PAPPA: variants seen among roughly 807,000 people sequenced by gnomAD.
The protein encoded by PAPPA is pappalysin 1.
In PAPPA, 60 loss-of-function variants were observed where a neutral mutation model predicts 164.0. The observed-to-expected ratio is 0.37, with a 90% confidence interval of 0.30 to 0.45. The LOEUF (loss-of-function observed/expected upper bound fraction) is 0.45, where lower values mean the gene tolerates loss of function less well. PAPPA is among the 20% of genes least tolerant of loss of function. The pLI is 1.00. For synonymous variants in PAPPA, 875 were observed against 814.1 expected (o/e 1.07, Z -1.27); for missense variants, 1,782 against 2,087.3 (o/e 0.85, Z 2.85).
intron 19 of PAPPA, among the ~76,000 whole-genome samples, chr9:116,375,585 C>A (rs942712493): frequency 2.0e-5 from 3 of 152,098 alleles, no homozygotes; most frequent in African/African-American, 7.2e-5. Flanking sequence ...ATTTAGCATC[C>A]CCTCTGTCAG....
chr9:116,293,163 T>C (rs1845458014), intron 9 of PAPPA, among the ~76,000 whole-genome samples: 1 of 152,152 alleles, frequency 6.6e-6, no homozygotes, highest in South Asian at 2.1e-4. Context: ...AACACTAGTT[T>C]AGATAACGCA....
rs550853743 is a variant in PAPPA, at chr9:116,237,336, C to T, written c.2732+1699C>T. Among the ~76,000 whole-genome samples the T allele has an allele frequency of 2.0e-5, 3 of 152,298 alleles. No individual in the cohort carries two copies. In the South Asian group the frequency reaches 6.2e-4, roughly 32 times the overall value. ...AGGATAGTCTTGCCTTAAAAATATT[C>T]CATAACCCTGTCTCTTCCATCTCCT... is the stretch of plus-strand genomic sequence containing the variant. On this transcript the variant is annotated intron_variant, in intron 7 of 21. Transcript: ENST00000328252.
intron 4 of PAPPA, among the ~76,000 whole-genome samples, chr9:116,219,034 C>T (rs1844410472): frequency 1.3e-5 from 2 of 152,230 alleles, no homozygotes; most frequent in South Asian, 4.1e-4. Flanking sequence ...GCCTGACTCC[C>T]TGGCCTGTGC....
At position 116,169,855 on chromosome 9, in the gene PAPPA, A is replaced by G. The variant is rs544574391; in HGVS notation, c.415+15268A>G. Among the ~76,000 whole-genome samples, 19 of 151,970 alleles carry G rather than the reference A, an allele frequency of 1.3e-4. No homozygotes were observed. The Middle Eastern group carries it at 0.01, about 82-fold the overall frequency. On this transcript the variant is annotated intron_variant, in intron 1 of 21. Transcript: ENST00000328252. ...GACTACTATGTGTAGAATGGATTGCATGAGGCCAAGAGTGGGGTCTCAGTT... is the reference window on the plus strand; with the variant it reads ...GACTACTATGTGTAGAATGGATTGCGTGAGGCCAAGAGTGGGGTCTCAGTT...
Position 116,332,366 on chromosome 9 carries a change from G to A in PAPPA, c.3295G>A (p.Val1099Ile), listed in dbSNP as rs1480085055. 6.2e-7 allele frequency: 1 copy of A among 1,613,914 alleles called. No homozygotes were observed. Among genetic ancestry groups the A allele is most frequent in the Non-Finnish European group, 8.5e-7 (1 of 1,179,804 alleles). ...TTCTCAACCAATGGTTGCCGCAGCT[G>A]TCATTGTCCACCTGGTGACGGATGG... ...YFSQPMVAAA[V>I]IVHLVTDGTY... Residue 1099 changes from valine to isoleucine, a missense_variant, in exon 12 of 22, where the codon GTC (valine) becomes ATC (isoleucine). Coordinates refer to ENST00000328252, the MANE Select transcript of PAPPA (RefSeq NM_002581.5).
At chr9:116,163,535 A>G (rs1270940896) in intron 1 of PAPPA, among the ~76,000 whole-genome samples, 1 of 152,206 alleles carries the variant, frequency 6.6e-6, no homozygotes, top group Non-Finnish European at 1.5e-5. Flanking sequence ...ACTTTGTGGT[A>G]CTGTAGGGAT....
At chr9:116,197,867 A>G (rs913549750) in intron 2 of PAPPA, among the ~76,000 whole-genome samples, 2 of 152,242 alleles carry the variant, frequency 1.3e-5, no homozygotes, top group Admixed American at 1.3e-4. Flanking sequence ...TGGTGATTAT[A>G]TAATTCTTGA....
At chr9:116,193,872 G>GGC (rs1844072773) in intron 2 of PAPPA, among the ~76,000 whole-genome samples, 1 of 152,200 alleles carries the variant, frequency 6.6e-6, no homozygotes, top group South Asian at 2.1e-4. Context: ...GCTTCCATGA[G>GGC]CTCTGAGAAA....
At chr9:116,226,345 G>A (rs1196542237) in intron 5 of PAPPA, among the ~76,000 whole-genome samples, 1 of 152,166 alleles carries the variant, frequency 6.6e-6, no homozygotes, top group Non-Finnish European at 1.5e-5. Context: ...ACAAGCACAC[G>A]GTTCCTGACT....
chr9:116,334,729 C>G, intron 12 of PAPPA, 132 bp from the exon 13 acceptor site: 1 of 640,602 alleles, frequency 1.6e-6, no homozygotes, highest in East Asian at 2.7e-5. Flanking sequence ...AAAATCCTCA[C>G]CGGCCGCCCA....
In PAPPA at chr9:116,271,526, G is replaced by A. The variant is rs1050729882; in HGVS notation, c.2953+110G>A. 7 of 789,284 alleles carry A rather than the reference G, an allele frequency of 8.9e-6. No homozygotes were observed. The Admixed American group carries it at 1.3e-4, about 15-fold the overall frequency. The allele number at this position is 789,284 out of a possible 1,614,324, so 48.9% of individuals were successfully genotyped here. On this transcript the variant is annotated intron_variant, in intron 9 of 21. Coordinates refer to ENST00000328252, the MANE Select transcript of PAPPA (RefSeq NM_002581.5). This position sits in a 1 kb window ranked among gnomAD's most constrained non-coding sequence, Gnocchi z 4.2. ...TGACTAAATGATGATTCACTCCTTT[G>A]TATTACACCTGTTTATTGAGTGCCT...
chr9:116,347,228 C>A lies in PAPPA; in HGVS notation c.3964+19C>A. The stretch of plus-strand genomic sequence containing the variant: ...TTGAAAGGTATCAAGAACGCCTTCC[C>A]CAGCTCAGCCTTCCTTTGTCTATGG... On this transcript the variant is annotated intron_variant, in intron 15 of 21. Transcript: ENST00000328252. The surrounding 1 kb of genome is among the most constrained non-coding windows in gnomAD (Gnocchi z 4.5). The A allele has an allele frequency of 6.3e-7, 1 of 1,586,306 alleles. No homozygotes were observed. Among genetic ancestry groups the A allele is most frequent in the South Asian group, 1.2e-5 (1 of 86,258 alleles).
At chr9:116,217,740 C>T (rs1176877404) in intron 4 of PAPPA, among the ~76,000 whole-genome samples, 3 of 152,122 alleles carry the variant, frequency 2.0e-5, no homozygotes, top group Non-Finnish European at 4.4e-5. Context: ...GCCCCACACC[C>T]CTGCACCTTG....
intron 9 of PAPPA, 140 bp from the exon 10 acceptor site, chr9:116,302,617 T>G: frequency 3.4e-6 from 2 of 595,514 alleles, no homozygotes; most frequent in East Asian, 2.9e-5. Context: ...CAAGACTGAG[T>G]AATAGTCCAT....
Position 116,370,275 on chromosome 9 carries a change from C to T in PAPPA, c.4605+2521C>T, listed in dbSNP as rs748613237. 5.9e-4 allele frequency among the ~76,000 whole-genome samples: 90 copies of T among 152,138 alleles called. 2 individuals are homozygous for T. Among genetic ancestry groups the T allele is most frequent in the Non-Finnish European group, 2.2e-4 (15 of 68,024 alleles). On this transcript the variant is annotated intron_variant, in intron 19 of 21. Coordinates refer to ENST00000328252, the MANE Select transcript of PAPPA (RefSeq NM_002581.5). ...TTCCACCTCCACCCCCTACCACACA[C>T]GTACGACCACACACATATGTCCCTA...
chr9:116,158,101 G>A lies in PAPPA; in HGVS notation c.415+3514G>A, dbSNP rs182255329. On this transcript the variant is annotated intron_variant, in intron 1 of 21. Coordinates refer to ENST00000328252, the MANE Select transcript of PAPPA (RefSeq NM_002581.5). The stretch of plus-strand genomic sequence containing the variant: ...GTGATTCGGAATTCCTGCTCAGAAG[G>A]AGAAAAGGATTTACCTGAATCCCAT... 2.0e-4 allele frequency among the ~76,000 whole-genome samples: 30 copies of A among 152,228 alleles called. No homozygotes were observed. In the East Asian group the frequency reaches 5.0e-3, roughly 26 times the overall value.
intron 7 of PAPPA, among the ~76,000 whole-genome samples, chr9:116,238,293 C>T (rs1419079272): frequency 6.6e-6 from 1 of 152,184 alleles, no homozygotes; most frequent in Non-Finnish European, 1.5e-5. Flanking sequence ...GCCAGGCTCT[C>T]AGGCCCCAGT....
chr9:116,390,391 G>T (rs1369843498), intron 21 of PAPPA, among the ~76,000 whole-genome samples: 1 of 152,134 alleles, frequency 6.6e-6, no homozygotes, highest in African/African-American at 2.4e-5. Flanking sequence ...AATTCCCTGA[G>T]TATGCCCAGA....
At chr9:116,318,005 A>G (rs530161808) in intron 10 of PAPPA, among the ~76,000 whole-genome samples, 1 of 152,360 alleles carries the variant, frequency 6.6e-6, no homozygotes, top group African/African-American at 2.4e-5. Flanking sequence ...GTTTGCAACA[A>G]TATTCAGCAT....
Sources: gnomAD v4.1 joint callset for allele counts (sites outside exome capture counted in the v4.1 genomes callset) on GRCh38, gnomAD v4.1.1 for gene constraint, Gnocchi (gnomAD v3.1) non-coding constraint, MANE v1.5 for transcripts, NCBI Gene and HGNC (gene_info 2026-07-23, HGNC 2026-07-21) for gene names.